The following PDE4D variants were observed in gnomAD, a reference collection of about 807,000 sequenced individuals.
PDE4D encodes the protein phosphodiesterase 4D.
In PDE4D, 24 loss-of-function variants were observed where a neutral mutation model predicts 87.4. The observed-to-expected ratio is 0.27, with a 90% CI of 0.20 to 0.39. The LOEUF (loss-of-function observed/expected upper bound fraction) is 0.39, where lower values mean the gene tolerates loss of function less well. Among genes scored for constraint, PDE4D ranks in the 10% least tolerant of loss-of-function variants. The probability of loss-of-function intolerance (pLI) is 1.00; values close to 1 mark genes in which losing one functional copy is unlikely to be tolerated. For synonymous variants in PDE4D, 384 were observed against 383.2 expected (o/e 1.00, Z -0.02); for missense variants, 714 against 1,041.0 (o/e 0.69, Z 4.32).
intron 1 of PDE4D, among the ~76,000 whole-genome samples, chr5:59,845,856 C>T (rs1489485286): frequency 2.0e-5 from 3 of 151,948 alleles, no homozygotes; most frequent in Non-Finnish European, 2.9e-5. Context: ...CTGAAGAAAA[C>T]ACACAGTTCT....
intron 1 of PDE4D, among the ~76,000 whole-genome samples, chr5:59,878,039 G>T (rs939697984): frequency 3.9e-5 from 6 of 152,236 alleles, no homozygotes; most frequent in Middle Eastern, 3.4e-3. Context: ...TGGTGTAGTA[G>T]CTTCCTAGTT....
chr5:59,850,069 C>G (rs1460261606), intron 1 of PDE4D, among the ~76,000 whole-genome samples: 1 of 151,950 alleles, frequency 6.6e-6, no homozygotes, highest in Non-Finnish European at 1.5e-5. Context: ...GTTGATTAGC[C>G]AGCAGTTTGA....
At chr5:59,553,690 A>AT (rs1367863449) in intron 1 of PDE4D, among the ~76,000 whole-genome samples, 3 of 152,156 alleles carry the variant, frequency 2.0e-5, no homozygotes, top group Non-Finnish European at 2.9e-5. Context: ...GCTTGGTGAG[A>AT]TTTTTCAAGC....
At chr5:60,369,114 C>T (rs1760796687) in intron 1 of PDE4D, among the ~76,000 whole-genome samples, 1 of 151,680 alleles carries the variant, frequency 6.6e-6, no homozygotes, top group South Asian at 2.1e-4. Context: ...GTCTGTCTTC[C>T]TCTCTCCTCT....
intron 1 of PDE4D, among the ~76,000 whole-genome samples, chr5:59,253,467 A>T (rs1217813826): frequency 6.6e-6 from 1 of 151,992 alleles, no homozygotes; most frequent in Non-Finnish European, 1.5e-5. Context: ...CCATTACTCA[A>T]ACTCCCTCCA....
intron 1 of PDE4D, among the ~76,000 whole-genome samples, chr5:59,521,855 G>C (rs1332468745): frequency 6.6e-6 from 1 of 152,210 alleles, no homozygotes; most frequent in Non-Finnish European, 1.5e-5. Context: ...ATGTAGAAAA[G>C]TGTCTGGTAC....
At chr5:59,130,398 G>T (rs1295405044) in intron 5 of PDE4D, among the ~76,000 whole-genome samples, 4 of 152,106 alleles carry the variant, frequency 2.6e-5, no homozygotes, top group African/African-American at 9.7e-5. Context: ...ACAAGCCACG[G>T]CATCTCGTAA....
chr5:60,048,077 A>G (rs956084309), intron 2 of PDE4D, among the ~76,000 whole-genome samples: 2 of 152,196 alleles, frequency 1.3e-5, no homozygotes, highest in African/African-American at 4.8e-5. Flanking sequence ...TATTTAGGAT[A>G]GTTAGCTCTT....
intron 1 of PDE4D, among the ~76,000 whole-genome samples, chr5:59,826,381 G>A (rs555426632): frequency 2.6e-4 from 39 of 152,200 alleles, no homozygotes; most frequent in Admixed American, 1.1e-3. Flanking sequence ...TATGAGATTC[G>A]CGTTGCTTCT....
At chr5:60,501,749 C>T (rs899543628) in intron 1 of PDE4D, among the ~76,000 whole-genome samples, 9 of 152,088 alleles carry the variant, frequency 5.9e-5, no homozygotes, top group African/African-American at 2.2e-4. Flanking sequence ...CTCTGATGGC[C>T]AGTGATGGTG....
intron 1 of PDE4D, among the ~76,000 whole-genome samples, chr5:59,815,037 T>C (rs180851644): frequency 6.6e-6 from 1 of 152,350 alleles, no homozygotes; most frequent in Admixed American, 6.5e-5. Flanking sequence ...ATAATAATGC[T>C]GTATTATCAA....
At chr5:59,175,618 T>C (rs1456027334) in intron 5 of PDE4D, among the ~76,000 whole-genome samples, 1 of 151,100 alleles carries the variant, frequency 6.6e-6, no homozygotes, top group Non-Finnish European at 1.5e-5. Flanking sequence ...GTAGCTGGGA[T>C]TACAGGCACC....
chr5:59,616,086 A>T (rs1829627165), intron 1 of PDE4D, among the ~76,000 whole-genome samples: 1 of 151,886 alleles, frequency 6.6e-6, no homozygotes, highest in African/African-American at 2.4e-5. Context: ...GTCATTTAAC[A>T]CTAGGTATAT....
chr5:60,136,427 GC>G lies in PDE4D; in HGVS notation c.42+49129del, dbSNP rs201866550. Among the ~76,000 whole-genome samples, 142 of 151,644 alleles carry G rather than the reference GC, an allele frequency of 9.4e-4. 4 individuals are homozygous for G. In the East Asian group the frequency reaches 0.025, roughly 26 times the overall value. On this transcript the variant is annotated intron_variant, in intron 2 of 16. Coordinates refer to the PDE4D transcript ENST00000502484. Reference sequence around the variant, plus strand: ...TTCCTTCCAGGTACAAGTAATTTCTGCCTCAGCCTCCCAAGTAGCTGGGATT... The same window carrying G: ...TTCCTTCCAGGTACAAGTAATTTCTGCTCAGCCTCCCAAGTAGCTGGGATT...
intron 1 of PDE4D, among the ~76,000 whole-genome samples, chr5:60,207,033 G>A (rs1742617521): frequency 6.6e-6 from 1 of 152,196 alleles, no homozygotes; most frequent in East Asian, 1.9e-4. Context: ...AACAAAGTGT[G>A]TAATTTACAG....
At chr5:59,539,746 T>C (rs757615845) in intron 1 of PDE4D, among the ~76,000 whole-genome samples, 5 of 152,054 alleles carry the variant, frequency 3.3e-5, no homozygotes, top group Non-Finnish European at 5.9e-5. Flanking sequence ...TTTTCAAAAA[T>C]AACAAAAATA....
intron 3 of PDE4D, among the ~76,000 whole-genome samples, chr5:59,929,068 A>G (rs976687708): frequency 2.0e-5 from 3 of 151,800 alleles, no homozygotes; most frequent in African/African-American, 7.3e-5. Flanking sequence ...AAGATTTTCA[A>G]TATATGTGTG....
chr5:60,054,139 G>T (rs1770518034), intron 2 of PDE4D, among the ~76,000 whole-genome samples: 3 of 152,080 alleles, frequency 2.0e-5, no homozygotes, highest in African/African-American at 7.2e-5. Flanking sequence ...ATTCCTCAAG[G>T]ATCTAGAACC....
intron 5 of PDE4D, among the ~76,000 whole-genome samples, chr5:59,092,281 T>C (rs1483488163): frequency 6.6e-6 from 1 of 152,196 alleles, no homozygotes. Context: ...TCCATCTCTT[T>C]GCAGATGATT....
Sources: allele counts gnomAD v4.1 joint callset (sites outside exome capture counted in the v4.1 genomes callset), GRCh38; gene constraint gnomAD v4.1.1; transcripts MANE v1.5; gene names NCBI Gene and HGNC (gene_info 2026-07-23, HGNC 2026-07-21).